IL1R1: variants seen among roughly 807,000 people sequenced by gnomAD.
IL1R1 encodes interleukin 1 receptor type 1.
Under a neutral mutation model 50.2 loss-of-function variants are expected in IL1R1, and 22 were observed. The observed-to-expected ratio is 0.44, with a 90% confidence interval of 0.31 to 0.63. The LOEUF (loss-of-function observed/expected upper bound fraction) is 0.63, where lower values mean the gene tolerates loss of function less well. Among genes scored for constraint, IL1R1 ranks in the 20% least tolerant of loss-of-function variants. The pLI is 0.07. For synonymous variants in IL1R1, 251 were observed against 236.7 expected (o/e 1.06, Z -0.55); for missense variants, 509 against 676.2 (o/e 0.75, Z 2.74).
chr2:102,094,308 T>C (rs895357462), intron 1 of IL1R1, among the ~76,000 whole-genome samples: 8 of 152,212 alleles, frequency 5.3e-5, no homozygotes, highest in East Asian at 1.9e-4. Flanking sequence ...TTAATACCAA[T>C]TGAAGCATTT....
Position 102,164,963 on chromosome 2 carries a change from T to G in IL1R1, c.251T>G (p.Val84Gly), listed in dbSNP as rs758142695. 1.9e-6 allele frequency: 3 copies of G among 1,614,130 alleles called. No individual in the cohort carries two copies. Among genetic ancestry groups the G allele is most frequent in the Non-Finnish European group, 2.5e-6 (3 of 1,179,976 alleles). ...IHQHKEKLWF[V>G]PAKVEDSGHY... ...CAACACAAAGAGAAACTTTGGTTTG[T>G]TCCTGCTAAGGTGGAGGATTCAGGA... The change falls in exon 4 of 12, where the codon GTT becomes GGT. Residue 84 changes from valine (V) to glycine (G), a missense_variant. Coordinates refer to ENST00000410023, the MANE Select transcript of IL1R1 (RefSeq NM_000877.4).
At chr2:102,108,240 GT>G (rs70946669) in intron 1 of IL1R1, among the ~76,000 whole-genome samples, 1,219 of 32,046 alleles carry the variant, frequency 0.038, 20 homozygotes, top group African/African-American at 0.11. Flanking sequence ...GTGTGTGTGT[GT>G]GGGGGGGGGT....
Position 102,157,724 on chromosome 2 carries a change from T to C in IL1R1, c.-1T>C. The stretch of plus-strand genomic sequence containing the variant: ...TCGTTCCTCCATTTCTCCAGAAGAA[T>C]ATGAAAGTGTTACTCAGACTTATTT... On this transcript the variant is annotated 5_prime_UTR_variant, in exon 3 of 12. Coordinates refer to ENST00000410023, the MANE Select transcript of IL1R1 (RefSeq NM_000877.4). 6.3e-7 allele frequency: 1 copy of C among 1,596,392 alleles called. No homozygotes were observed. Among genetic ancestry groups the C allele is most frequent in the Non-Finnish European group, 8.6e-7 (1 of 1,164,462 alleles).
intron 1 of IL1R1, among the ~76,000 whole-genome samples, chr2:102,105,741 A>G (rs889774832): frequency 1.3e-5 from 2 of 152,202 alleles, no homozygotes; most frequent in Non-Finnish European, 2.9e-5. Flanking sequence ...CAAAACTTGT[A>G]CACGCTTTCT....
intron 2 of IL1R1, among the ~76,000 whole-genome samples, chr2:102,156,906 T>C (rs1684246665): frequency 6.6e-6 from 1 of 152,206 alleles, no homozygotes; most frequent in Admixed American, 6.5e-5. Flanking sequence ...ATATTTTGTG[T>C]TTTCATATTT....
chr2:102,117,225 A>T (rs915964514), intron 1 of IL1R1, among the ~76,000 whole-genome samples: 3 of 152,170 alleles, frequency 2.0e-5, no homozygotes, highest in African/African-American at 7.2e-5. Context: ...CCAAATAACA[A>T]CGCAAAGCAC....
In IL1R1 at chr2:102,165,217, C is replaced by G. The variant is rs201933023; in HGVS notation, c.399C>G (p.Pro133=). Residue 133 remains proline, a synonymous_variant, in exon 5 of 12, where the codon CCC becomes CCG. Coordinates refer to ENST00000410023, the MANE Select transcript of IL1R1 (RefSeq NM_000877.4). Reference sequence around the variant, plus strand: ...AAGCCATATTTAAGCAGAAACTACCCGTTGCAGGAGACGGAGGACTTGTGT... The same window carrying G: ...AAGCCATATTTAAGCAGAAACTACCGGTTGCAGGAGACGGAGGACTTGTGT... ...NAQAIFKQKL[P]VAGDGGLVCP... is the part of the protein sequence containing the mutation. 2 of 1,607,556 alleles carry G rather than the reference C, an allele frequency of 1.2e-6. No individual in the cohort carries two copies. Among genetic ancestry groups the G allele is most frequent in the African/African-American group, 1.3e-5 (1 of 74,524 alleles).
At chr2:102,089,110 AT>A (rs1248801738) in intron 1 of IL1R1, among the ~76,000 whole-genome samples, 1 of 152,160 alleles carries the variant, frequency 6.6e-6, no homozygotes, top group African/African-American at 2.4e-5. Context: ...TCCTTCAAGT[AT>A]TTTTACTTTG....
chr2:102,173,879 G>T (rs940968272), intron 9 of IL1R1, among the ~76,000 whole-genome samples: 1 of 152,134 alleles, frequency 6.6e-6, no homozygotes, highest in African/African-American at 2.4e-5. Context: ...TGTATGAAGC[G>T]ACAGTACTTA....
intron 1 of IL1R1, among the ~76,000 whole-genome samples, chr2:102,106,593 A>C (rs1334073007): frequency 6.6e-6 from 1 of 152,244 alleles, no homozygotes; most frequent in African/African-American, 2.4e-5. Flanking sequence ...ATTGTCAAGA[A>C]TAAAATTTTA....
At chr2:102,144,418 C>A (rs1682936524) in intron 1 of IL1R1, among the ~76,000 whole-genome samples, 1 of 152,130 alleles carries the variant, frequency 6.6e-6, no homozygotes. Context: ...GAGCAGCACC[C>A]CCATTTCTAA....
At chr2:102,083,278 A>G (rs1349708736) in intron 1 of IL1R1, among the ~76,000 whole-genome samples, 1 of 152,204 alleles carries the variant, frequency 6.6e-6, no homozygotes, top group East Asian at 1.9e-4. Context: ...TGCAAGGTAG[A>G]TGTAATTCTC....
intron 1 of IL1R1, among the ~76,000 whole-genome samples, chr2:102,145,932 G>A (rs1683080940): frequency 6.6e-6 from 1 of 152,180 alleles, no homozygotes; most frequent in Non-Finnish European, 1.5e-5. Context: ...AGGAAACCCT[G>A]CAGGGCACAG....
upstream of IL1R1, among the ~76,000 whole-genome samples, chr2:102,102,626 A>G (rs1479310677): frequency 3.3e-5 from 5 of 152,160 alleles, no homozygotes; most frequent in Non-Finnish European, 5.9e-5. Context: ...TTAAAACACA[A>G]CTACCATTTG....
intron 1 of IL1R1, among the ~76,000 whole-genome samples, chr2:102,145,410 G>A (rs1031162647): frequency 4.6e-5 from 7 of 152,122 alleles, no homozygotes; most frequent in African/African-American, 1.7e-4. Flanking sequence ...GGAAGCCCTG[G>A]CCCCGAGTTA....
chr2:102,170,316 G>A (rs1216983332), intron 7 of IL1R1, among the ~76,000 whole-genome samples: 1 of 152,148 alleles, frequency 6.6e-6, no homozygotes, highest in Admixed American at 6.5e-5. Flanking sequence ...TCTTCATGGT[G>A]AAATACTATA....
chr2:102,096,245 C>T (rs1453093000), intron 1 of IL1R1, among the ~76,000 whole-genome samples: 1 of 152,156 alleles, frequency 6.6e-6, no homozygotes, highest in Non-Finnish European at 1.5e-5. Context: ...CTACTCGCCT[C>T]ATAGGGTGTG....
At chr2:102,111,676 G>A (rs13000909) in intron 1 of IL1R1, among the ~76,000 whole-genome samples, 41,197 of 151,926 alleles carry the variant, frequency 0.27, 6,336 homozygotes, top group African/African-American at 0.42. Context: ...ATGAGAAGGA[G>A]AGCAGGAAGG....
At chr2:102,117,898 G>A (rs921240799) in intron 1 of IL1R1, among the ~76,000 whole-genome samples, 1 of 150,702 alleles carries the variant, frequency 6.6e-6, no homozygotes, top group African/African-American at 2.4e-5. Flanking sequence ...GCATGGTAAA[G>A]AATATGTTTG....
Sources: allele counts gnomAD v4.1 joint callset (sites outside exome capture counted in the v4.1 genomes callset), GRCh38; gene constraint gnomAD v4.1.1; transcripts MANE v1.5; gene names NCBI Gene and HGNC (gene_info 2026-07-23, HGNC 2026-07-21).